Variants in TANC2 observed in about 807,000 individuals in gnomAD.
The protein encoded by TANC2 is tetratricopeptide repeat, ankyrin repeat and coiled-coil containing 2.
In TANC2, 26 loss-of-function variants were observed where a neutral mutation model predicts 210.5. The ratio of observed to expected loss-of-function variants is 0.12; its 90% CI spans 0.09 to 0.17. The LOEUF is 0.17. Ranked by LOEUF, TANC2 falls within the 10% of genes least tolerant of loss-of-function variation. The pLI is 1.00. For synonymous variants in TANC2, 931 were observed against 967.1 expected (o/e 0.96, Z 0.69); for missense variants, 2,129 against 2,608.9 (o/e 0.82, Z 4.01).
chr17:63,008,278 C>T (rs72843153), intron 1 of TANC2, among the ~76,000 whole-genome samples: 2,217 of 152,106 alleles, frequency 0.015, 29 homozygotes, highest in Non-Finnish European at 0.024. Context: ...TTGCTTCTTC[C>T]CAATTTTCAC....
At chr17:63,234,264 C>T (rs1484456638) in intron 7 of TANC2, among the ~76,000 whole-genome samples, 2 of 152,202 alleles carry the variant, frequency 1.3e-5, no homozygotes, top group Non-Finnish European at 2.9e-5. Flanking sequence ...TTCACCAATA[C>T]TGAATCCATT....
At chr17:63,114,173 C>T (rs1258122793) in intron 4 of TANC2, among the ~76,000 whole-genome samples, 1 of 152,118 alleles carries the variant, frequency 6.6e-6, no homozygotes, top group African/African-American at 2.4e-5. Flanking sequence ...TTACAATTAT[C>T]ATTTAGAGGT....
At chr17:63,173,736 C>T (rs1198193113) in intron 5 of TANC2, among the ~76,000 whole-genome samples, 1 of 152,184 alleles carries the variant, frequency 6.6e-6, no homozygotes, top group Non-Finnish European at 1.5e-5. Context: ...ATCTTCACTT[C>T]ATGCCCTTTT....
At chr17:63,331,528 G>A (rs960996375) in intron 11 of TANC2, among the ~76,000 whole-genome samples, 19 of 152,176 alleles carry the variant, frequency 1.2e-4, no homozygotes, top group African/African-American at 3.9e-4. Flanking sequence ...TGTCAAAGAA[G>A]CAAGGTATTC....
Position 63,335,785 on chromosome 17 carries a change from T to C in TANC2, c.1576-4316T>C, listed in dbSNP as rs1365378873. ...AAATTTGAATAATGTCTATAGGTAA[T>C]AGTATTGCCAATGTTAATTTCCTGG... On this transcript the variant is annotated intron_variant, in intron 11 of 27. Transcript: ENST00000689528. Among the ~76,000 whole-genome samples the C allele has an allele frequency of 2.0e-5, 3 of 152,070 alleles. No homozygotes were observed. In the East Asian group the frequency reaches 5.8e-4, roughly 29 times the overall value.
chr17:63,226,188 T>C (rs913807499), intron 7 of TANC2, among the ~76,000 whole-genome samples: 34 of 152,236 alleles, frequency 2.2e-4, no homozygotes, highest in African/African-American at 8.2e-4. Context: ...AGAAATATTA[T>C]GGAAAGAGTC....
intron 14 of TANC2, among the ~76,000 whole-genome samples, chr17:63,358,376 A>AGAGAGTGTGTGTGTGTGTGT (rs1470682571): frequency 2.7e-4 from 22 of 80,940 alleles, no homozygotes; most frequent in African/African-American, 8.1e-4. Flanking sequence ...AGAGAGAGAG[A>AGAGAGTGTGTGTGTGTGTGT]GTATGTGTGT....
At chr17:63,322,307 G>A (rs2045519592) in intron 11 of TANC2, among the ~76,000 whole-genome samples, 1 of 152,090 alleles carries the variant, frequency 6.6e-6, no homozygotes. Context: ...GACCATCCTG[G>A]CTAACATGGT....
rs772111742 is a variant in TANC2, at chr17:62,967,592, A to G, written c.-24+843A>G. ...AACAAACAAAACCCCAAACGTCTTG[A>G]CCATAATTATGAGTTAAAGATCATT... On this transcript the variant is annotated intron_variant, in intron 1 of 27. Transcript: ENST00000689528. The G allele has an allele frequency of 1.3e-4, 20 of 152,216 alleles. No individual in the cohort carries two copies. In the South Asian group the frequency reaches 1.9e-3, roughly 14 times the overall value. 9.4% of individuals were successfully genotyped at this position (152,216 alleles called of 1,614,324 possible).
chr17:63,083,585 GC>G (rs1437649956), intron 3 of TANC2, among the ~76,000 whole-genome samples: 3 of 152,184 alleles, frequency 2.0e-5, no homozygotes, highest in Non-Finnish European at 4.4e-5. Flanking sequence ...AGCTCTCCAA[GC>G]CAGGTAAAAT....
At chr17:63,141,569 A>G (rs1406544901) in intron 4 of TANC2, among the ~76,000 whole-genome samples, 3 of 141,310 alleles carry the variant, frequency 2.1e-5, no homozygotes, top group East Asian at 2.0e-4. Context: ...CTGTCTCAAG[A>G]AAAAAAAAAA....
intron 8 of TANC2, among the ~76,000 whole-genome samples, chr17:63,258,459 G>A (rs2043262494): frequency 6.6e-6 from 1 of 152,040 alleles, no homozygotes; most frequent in Admixed American, 6.6e-5. Context: ...AATGCCCAAG[G>A]CAGATCCAGA....
chr17:63,356,053 T>C (rs1248258276), intron 14 of TANC2, among the ~76,000 whole-genome samples: 3 of 152,012 alleles, frequency 2.0e-5, no homozygotes, highest in Admixed American at 6.6e-5. Context: ...CACACCAGAA[T>C]AGGGATCACA....
intron 12 of TANC2, among the ~76,000 whole-genome samples, chr17:63,347,091 A>G (rs1478376969): frequency 1.3e-5 from 2 of 152,216 alleles, no homozygotes; most frequent in African/African-American, 2.4e-5. Context: ...AAATGAAAAC[A>G]TATGTCTACA....
Position 63,421,260 on chromosome 17 carries a change from A to G in TANC2, c.5530A>G (p.Asn1844Asp). Residue 1844 changes from asparagine to aspartate, a missense_variant, in exon 28 of 28, where the codon AAC becomes GAC. By Grantham distance (23) the Asn-to-Asp change is conservative. This residue lies in a region of TANC2 where 584 missense variants were observed against 627.3 expected (regional missense o/e 0.93). Transcript: ENST00000689528. The surrounding 1 kb of genome is among the most constrained non-coding windows in gnomAD (Gnocchi z 6.9). ...CAGAAGACCTATCAGTGTCAACCCTAACGAAATCAAACCGCACCCGCCAAC... is the reference window on the plus strand; with the variant it reads ...CAGAAGACCTATCAGTGTCAACCCTGACGAAATCAAACCGCACCCGCCAAC... 6.2e-7 allele frequency: 1 copy of G among 1,614,018 alleles called. No individual in the cohort carries two copies. The highest frequency in any genetic ancestry group is 8.5e-7 in the Non-Finnish European group (1 of 1,179,886).
chr17:63,297,273 AAG>A (rs1442294928), intron 9 of TANC2, among the ~76,000 whole-genome samples: 1 of 152,204 alleles, frequency 6.6e-6, no homozygotes, highest in Non-Finnish European at 1.5e-5. Context: ...GATATTGAAA[AAG>A]AACAAAGTTG....
intron 19 of TANC2, among the ~76,000 whole-genome samples, chr17:63,404,070 AAAG>A (rs1179143843): frequency 1.3e-5 from 2 of 152,318 alleles, no homozygotes; most frequent in Admixed American, 6.5e-5. Flanking sequence ...GGCCATAATA[AAAG>A]AAGAACCTGC....
intron 9 of TANC2, among the ~76,000 whole-genome samples, chr17:63,280,440 A>C (rs2044026227): frequency 6.6e-6 from 1 of 152,112 alleles, no homozygotes. Flanking sequence ...CTGCCAAGTA[A>C]ATATCATATC....
In TANC2 at chr17:63,395,706, T is replaced by G. The variant is rs375048190; in HGVS notation, c.3052-37T>G. ...ACTAGATTGCGAGCTCAGCCACAAGTCTGTGTTCACACATATCTCCTGTCC... is the reference window on the plus strand; with the variant it reads ...ACTAGATTGCGAGCTCAGCCACAAGGCTGTGTTCACACATATCTCCTGTCC... On this transcript the variant is annotated intron_variant, in intron 17 of 27. Transcript: ENST00000689528. The G allele has an allele frequency of 1.8e-5, 28 of 1,596,584 alleles. No homozygotes were observed. The African/African-American group carries it at 3.5e-4, about 20-fold the overall frequency.
Sources: allele counts gnomAD v4.1 joint callset (sites outside exome capture counted in the v4.1 genomes callset), GRCh38; gene constraint gnomAD v4.1.1; regional missense constraint gnomAD v4.1.1; non-coding constraint Gnocchi (gnomAD v3.1); transcripts MANE v1.5; gene names NCBI Gene and HGNC (gene_info 2026-07-23, HGNC 2026-07-21).